The following MYBPC2 variants were observed in gnomAD, a reference collection of about 807,000 sequenced individuals.
The protein encoded by MYBPC2 is myosin binding protein C2.
MYBPC2 carries 122 observed loss-of-function variants against 137.0 expected under a neutral mutation model. The ratio of observed to expected loss-of-function variants is 0.89; its 90% CI spans 0.77 to 1.03. MYBPC2 has a LOEUF of 1.03. MYBPC2 is among the 50% of genes least tolerant of loss of function. The pLI is 0.00. For missense variants in MYBPC2, 1,500 were observed against 1,534.4 expected, an observed-to-expected ratio of 0.98 and a Z score of 0.37; for synonymous variants, 626 against 612.3, an observed-to-expected ratio of 1.02 and a Z score of -0.33.
At chr19:50,464,602 C>G in intron 27 of MYBPC2, 70 bp downstream of exon 27, 1 of 1,475,318 alleles carries the variant, frequency 6.8e-7, no homozygotes, top group Non-Finnish European at 9.0e-7. Flanking sequence ...GCCGGTGGCC[C>G]CGGGCTGAGC....
intron 13 of MYBPC2, 37 bp downstream of exon 13, chr19:50,448,427 T>C: frequency 3.1e-6 from 5 of 1,602,892 alleles, no homozygotes; most frequent in Middle Eastern, 1.7e-4. Flanking sequence ...GGGGGTAGGG[T>C]GTGCATAGCA....
Position 50,461,582 on chromosome 19 carries a change from G to A in MYBPC2, c.2972G>A (p.Cys991Tyr). Residue 991 changes from cysteine to tyrosine, a missense_variant, in exon 25 of 28, where the codon TGT (cysteine) becomes TAT (tyrosine). Physicochemically the swap from Cys to Tyr is radical, Grantham distance 194. Transcript: ENST00000357701. The stretch of plus-strand genomic sequence containing the variant: ...TATGAACGTAACAGGCACACTAGCT[G>A]TACTGTGTCCGACCTTATCGTGGGC... Reference protein sequence around the residue: ...NVYERNRHTSCTVSDLIVGNE... With the variant: ...NVYERNRHTSYTVSDLIVGNE... 6.2e-7 allele frequency: 1 copy of A among 1,613,700 alleles called. No individual in the cohort carries two copies. The highest frequency in any genetic ancestry group is 8.5e-7 in the Non-Finnish European group (1 of 1,179,856).
chr19:50,437,124 A>C (rs2039710942), intron 5 of MYBPC2, among the ~76,000 whole-genome samples: 1 of 152,016 alleles, frequency 6.6e-6, no homozygotes, highest in Non-Finnish European at 1.5e-5. Context: ...GGGCACATAT[A>C]TGGGCCCCTG....
chr19:50,461,702 G>T lies in MYBPC2; in HGVS notation c.3091+1G>T. 1 of 1,612,940 alleles carries T rather than the reference G, an allele frequency of 6.2e-7. No homozygotes were observed. The highest frequency in any genetic ancestry group is 8.5e-7 in the Non-Finnish European group (1 of 1,179,758). On this transcript the variant is annotated splice_donor_variant, in intron 25 of 27. Transcript: ENST00000357701. LOFTEE classifies it high-confidence loss of function. Reference sequence around the variant, plus strand: ...AACACGGCCCGCATCCTCAAGACAGGTACAGCCATCCTGCCCCACAGCCCA... The same window carrying T: ...AACACGGCCCGCATCCTCAAGACAGTTACAGCCATCCTGCCCCACAGCCCA...
intron 9 of MYBPC2, among the ~76,000 whole-genome samples, chr19:50,443,254 T>G (rs2039772123): frequency 6.6e-6 from 1 of 152,024 alleles, no homozygotes; most frequent in South Asian, 2.1e-4. Flanking sequence ...ACCCAGGAAG[T>G]CTAGGTTGCA....
chr19:50,434,538 C>T (rs1466049140), intron 1 of MYBPC2, among the ~76,000 whole-genome samples: 2 of 152,118 alleles, frequency 1.3e-5, no homozygotes, highest in African/African-American at 2.4e-5. Context: ...TAGGAATTAG[C>T]GGGGCTTCTT....
chr19:50,434,855 G>A (rs1308814943), intron 1 of MYBPC2, among the ~76,000 whole-genome samples: 1 of 152,190 alleles, frequency 6.6e-6, no homozygotes, highest in Non-Finnish European at 1.5e-5. Context: ...TATACCCTCG[G>A]ACCCAAAAGG....
Position 50,466,240 on chromosome 19 carries a change from G to A in MYBPC2, c.*35G>A, listed in dbSNP as rs1201989688. The A allele has an allele frequency of 6.2e-7, 1 of 1,613,828 alleles. No homozygotes were observed. Among genetic ancestry groups the A allele is most frequent in the East Asian group, 2.2e-5 (1 of 44,878 alleles). ...CCTACCTGCCAAGACAATTGGTGGT[G>A]GAGTCCTGACCCCAATCCCCAACCT... is the stretch of plus-strand genomic sequence containing the variant. On this transcript the variant is annotated 3_prime_UTR_variant, in exon 28 of 28. Transcript: ENST00000357701. This position sits in a 1 kb window ranked among gnomAD's most constrained non-coding sequence, Gnocchi z 4.9.
chr19:50,459,280 C>T lies in MYBPC2; in HGVS notation c.2765C>T (p.Thr922Ile). 1 of 1,607,520 alleles carries T rather than the reference C, an allele frequency of 6.2e-7. No individual in the cohort carries two copies. Among genetic ancestry groups the T allele is most frequent in the Non-Finnish European group, 8.5e-7 (1 of 1,177,494 alleles). ...GTGCAGATCGAGAACATGAAGGACA[C>T]CGCCACCATCCGCATCCGCGTTGTG... ...LSVQIENMKD[T>I]ATIRIRVVEK... Residue 922 changes from threonine (T) to isoleucine (I), a missense_variant, in exon 23 of 28, where the codon ACC becomes ATC. Coordinates refer to ENST00000357701, the MANE Select transcript of MYBPC2 (RefSeq NM_004533.4).
At chr19:50,462,436 G>A (rs1446197677) in intron 26 of MYBPC2, among the ~76,000 whole-genome samples, 10 of 151,914 alleles carry the variant, frequency 6.6e-5, no homozygotes, top group African/African-American at 1.4e-4. Flanking sequence ...CTCCCGCCTC[G>A]GCCTCCCAAA....
chr19:50,461,439 C>A, intron 24 of MYBPC2, 103 bp from the exon 25 acceptor site: 2 of 1,242,126 alleles, frequency 1.6e-6, no homozygotes, highest in South Asian at 1.4e-5. Flanking sequence ...TTTTTTTAAA[C>A]ACTGGATGTG....
In MYBPC2 at chr19:50,443,722, C is replaced by A; in HGVS notation, c.1039C>A (p.Leu347Ile). The A allele has an allele frequency of 6.2e-7, 1 of 1,613,828 alleles. No individual in the cohort carries two copies. Among genetic ancestry groups the A allele is most frequent in the South Asian group, 1.1e-5 (1 of 91,048 alleles). ...CCCCTGCCCCACAGAACCTCCAGTC[C>A]TAATTGTCACACCTCTTGAGGACCA... ...TELFVKEPPV[L>I]IVTPLEDQQV... is the part of the protein sequence containing the mutation. The change falls in exon 11 of 28, where the codon CTA (leucine) becomes ATA (isoleucine). Residue 347 changes from leucine (L) to isoleucine (I), a missense_variant. By Grantham distance (5) the Leu-to-Ile change is conservative. Transcript: ENST00000357701.
intron 8 of MYBPC2, among the ~76,000 whole-genome samples, chr19:50,441,707 G>A (rs572338181): frequency 1.2e-4 from 18 of 152,210 alleles, no homozygotes; most frequent in African/African-American, 4.3e-4. Context: ...GGGCATGGTG[G>A]TGTGCACCTG....
chr19:50,447,585 T>A (rs1370080611), intron 12 of MYBPC2, among the ~76,000 whole-genome samples: 1 of 152,026 alleles, frequency 6.6e-6, no homozygotes, highest in Non-Finnish European at 1.5e-5. Flanking sequence ...AGGCCGGGCT[T>A]AGTGGCTCAC....
chr19:50,459,957 G>A, intron 23 of MYBPC2, 83 bp from the exon 24 acceptor site: 3 of 1,526,484 alleles, frequency 2.0e-6, no homozygotes, highest in Non-Finnish European at 2.7e-6. Context: ...AATCAGGAGG[G>A]AGGGGGTGTG....
intron 16 of MYBPC2, 151 bp from the exon 17 acceptor site, chr19:50,453,869 T>G: frequency 8.1e-6 from 7 of 861,724 alleles, no homozygotes; most frequent in East Asian, 5.6e-5. Context: ...AAGGACGGCA[T>G]TTGGAGGGCG....
In MYBPC2 at chr19:50,435,577, G is replaced by C. The variant is rs2039694890; in HGVS notation, c.110-199G>C. Among the ~76,000 whole-genome samples the C allele has an allele frequency of 6.6e-6, 1 of 152,236 alleles. No individual in the cohort carries two copies. The highest frequency in any genetic ancestry group is 2.1e-4 in the South Asian group (1 of 4,832). On this transcript the variant is annotated intron_variant, in intron 2 of 27. Transcript: ENST00000357701. The surrounding 1 kb of genome is among the most constrained non-coding windows in gnomAD (Gnocchi z 4.8). ...AGGAAACCGAGGCCCAAAGGGGTGAGGGAGCCTGGCCAAGGTCACACAGCC... is the reference window on the plus strand; with the variant it reads ...AGGAAACCGAGGCCCAAAGGGGTGACGGAGCCTGGCCAAGGTCACACAGCC...
In MYBPC2 at chr19:50,465,788, T is replaced by G. The variant is rs907039902; in HGVS notation, c.3416-407T>G. Among the ~76,000 whole-genome samples the G allele has an allele frequency of 5.3e-5, 8 of 152,030 alleles. No homozygotes were observed. The highest frequency in any genetic ancestry group is 1.9e-4 in the African/African-American group (8 of 41,402). ...TGAACCAGGGAGGCCGAGGCTGCAG[T>G]GAGCTGAGATGGCACCACTGCACTC... On this transcript the variant is annotated intron_variant, in intron 27 of 27. Transcript: ENST00000357701. This position sits in a 1 kb window ranked among gnomAD's most constrained non-coding sequence, Gnocchi z 4.5.
chr19:50,435,158 C>A lies in MYBPC2; in HGVS notation c.20-3C>A. ...TCAACTATGACTGTCCCCTACCTTA[C>A]AGCGGCCAAAAAGGCCCCCAAAGGC... On this transcript the variant is annotated splice_region_variant and splice_polypyrimidine_tract_variant and intron_variant, in intron 1 of 27. Transcript: ENST00000357701. The surrounding 1 kb of genome is among the most constrained non-coding windows in gnomAD (Gnocchi z 4.8). 1 of 1,306,002 alleles carries A rather than the reference C, an allele frequency of 7.7e-7. No individual in the cohort carries two copies. The highest frequency in any genetic ancestry group is 1.1e-6 in the Non-Finnish European group (1 of 905,476). The allele number at this position is 1,306,002 out of a possible 1,614,324, so 80.9% of individuals were successfully genotyped here. A position where few individuals can be genotyped will look rare whatever the true frequency, so the allele number is the denominator to read the frequency against.
Sources: gnomAD v4.1 joint callset for allele counts (sites outside exome capture counted in the v4.1 genomes callset) on GRCh38, gnomAD v4.1.1 for gene constraint, Gnocchi (gnomAD v3.1) non-coding constraint, MANE v1.5 for transcripts, NCBI Gene and HGNC (gene_info 2026-07-23, HGNC 2026-07-21) for gene names.